The following BCOR variants were observed in gnomAD, a reference collection of about 807,000 sequenced individuals.
The protein encoded by BCOR is BCL6 corepressor, also known as BCL-6 corepressor.
In BCOR, 10 loss-of-function variants were observed where a neutral mutation model predicts 86.7. The observed-to-expected ratio is 0.12, with a 90% confidence interval of 0.07 to 0.20. BCOR has a LOEUF of 0.20. Ranked by LOEUF, BCOR falls within the 10% of genes least tolerant of loss-of-function variation. The pLI is 1.00. For missense variants in BCOR, 1,259 were observed against 1,452.1 expected, an observed-to-expected ratio of 0.87 and a Z score of 2.16; for synonymous variants, 611 against 609.0, an observed-to-expected ratio of 1.00 and a Z score of -0.05.
chrX:40,080,419 C>T (rs781500757), intron 1 of BCOR, among the ~76,000 whole-genome samples: 1 of 111,121 alleles, frequency 9.0e-6, no homozygotes, highest in East Asian at 2.8e-4. Context: ...CCAGCCTGGG[C>T]AACAAGAGCA....
intron 1 of BCOR, among the ~76,000 whole-genome samples, chrX:40,174,593 TCTA>T (rs1938701807): frequency 8.9e-6 from 1 of 112,645 alleles, no homozygotes; most frequent in East Asian, 2.8e-4. Flanking sequence ...CGCAGAACCA[TCTA>T]CTACTAACTA....
At chrX:40,076,163 G>A (rs1415371783) in intron 3 of BCOR, among the ~76,000 whole-genome samples, 1 of 112,159 alleles carries the variant, frequency 8.9e-6, no homozygotes, top group Non-Finnish European at 1.9e-5. Context: ...CTTGGAGGCT[G>A]GAAATTTATC....
chrX:40,077,183 C>G (rs1001406003), intron 2 of BCOR: 10 of 152,745 alleles, frequency 6.5e-5, no homozygotes, highest in Admixed American at 7.6e-5. Context: ...TGCGGCTGCC[C>G]TGGGACTTGT....
At chrX:40,070,194 C>A (rs1935403813) in intron 6 of BCOR, among the ~76,000 whole-genome samples, 1 of 111,826 alleles carries the variant, frequency 8.9e-6, no homozygotes, top group African/African-American at 3.2e-5. Context: ...GTTAGTTCAC[C>A]CAGACACCCT....
At chrX:40,056,281 TA>T (rs60712024) in intron 11 of BCOR, among the ~76,000 whole-genome samples, 977 of 61,420 alleles carry the variant, frequency 0.016, 9 homozygotes, top group African/African-American at 0.049. Context: ...TGTCACACAT[TA>T]AAAAAAAAAA....
chrX:40,168,196 T>G (rs984213390), intron 1 of BCOR, among the ~76,000 whole-genome samples: 1 of 113,227 alleles, frequency 8.8e-6, no homozygotes, highest in African/African-American at 3.2e-5. Flanking sequence ...CCAGACCCTT[T>G]CTTTTCTTCC....
chrX:40,058,404 G>C (rs1934704432), intron 10 of BCOR, among the ~76,000 whole-genome samples: 1 of 111,828 alleles, frequency 8.9e-6, no homozygotes, highest in Non-Finnish European at 1.9e-5. Flanking sequence ...AGAACATGTG[G>C]GGTAGCCCAA....
chrX:40,073,889 G>A lies in BCOR; in HGVS notation c.1457C>T (p.Thr486Ile). ...VLSGSEIPKETLSPPGNGCAI... is the reference protein window; with the variant it reads ...VLSGSEIPKEILSPPGNGCAI... ...ACAACCATTTCCTGGAGGAGATAGT[G>A]TTTCTTTCGGAATCTCACTTCCGGA... Residue 486 changes from threonine (T) to isoleucine (I), a missense_variant, in exon 4 of 15, where the codon ACA becomes ATA. This residue lies in a region of BCOR where 534 missense variants were observed against 594.8 expected (regional missense o/e 0.90). Transcript: ENST00000378444. The A allele has an allele frequency of 8.2e-7, 1 of 1,212,185 alleles. No individual in the cohort carries two copies. The highest frequency in any genetic ancestry group is 1.1e-6 in the Non-Finnish European group (1 of 895,549).
At chrX:40,134,754 TCCCCATGGGG>T (rs1937645731) in intron 1 of BCOR, among the ~76,000 whole-genome samples, 1 of 112,018 alleles carries the variant, frequency 8.9e-6, no homozygotes, top group Non-Finnish European at 1.9e-5. Context: ...AGAGACTGAA[TCCCCATGGGG>T]CTCCACCATA....
At chrX:40,124,117 C>T (rs1167877300) in intron 1 of BCOR, among the ~76,000 whole-genome samples, 2 of 110,773 alleles carry the variant, frequency 1.8e-5, no homozygotes, top group Non-Finnish European at 3.8e-5. Context: ...TGGTGAACTA[C>T]GGACTTAAGC....
chrX:40,154,763 CCG>C (rs1452637181), intron 1 of BCOR, among the ~76,000 whole-genome samples: 2 of 112,204 alleles, frequency 1.8e-5, no homozygotes, highest in Non-Finnish European at 3.8e-5. Context: ...AGCCAAGGGT[CCG>C]GATCTTTCCC....
chrX:40,078,313 G>A (rs1935911701), intron 1 of BCOR, among the ~76,000 whole-genome samples: 1 of 112,520 alleles, frequency 8.9e-6, no homozygotes, highest in African/African-American at 3.2e-5. Context: ...CTTGCCACTT[G>A]TTAAAGAAGG....
At chrX:40,063,095 GTGGCGGGCGGA>G in intron 8 of BCOR, 24 bp from the exon 9 acceptor site, 1 of 1,031,135 alleles carries the variant, frequency 9.7e-7, no homozygotes, top group Non-Finnish European at 1.3e-6. Context: ...GGGTGACGGG[GTGGCGGGCGGA>G]TGGGAGACGG....
At chrX:40,143,011 C>T (rs1382464192) in intron 1 of BCOR, among the ~76,000 whole-genome samples, 1 of 112,298 alleles carries the variant, frequency 8.9e-6, no homozygotes, top group Admixed American at 9.4e-5. Context: ...TCGGGTTGAG[C>T]AAATGGGGCC....
At chrX:40,105,285 G>C (rs1445861559) in intron 1 of BCOR, among the ~76,000 whole-genome samples, 1 of 111,249 alleles carries the variant, frequency 9.0e-6, no homozygotes, top group African/African-American at 3.3e-5. Context: ...GCGCCGTTCC[G>C]AGAGCCGCGC....
At chrX:40,084,559 G>A (rs1936261294) in intron 1 of BCOR, among the ~76,000 whole-genome samples, 1 of 110,380 alleles carries the variant, frequency 9.1e-6, no homozygotes, top group East Asian at 2.9e-4. Flanking sequence ...AGTCCCTGCA[G>A]AACTGGGTCC....
In BCOR at chrX:40,103,651, T is replaced by C. The variant is rs190504377; in HGVS notation, c.-40-25682A>G. 4.8e-3 allele frequency among the ~76,000 whole-genome samples: 475 copies of C among 99,461 alleles called. 1 individual carries two copies. The highest frequency in any genetic ancestry group is 0.023 in the African/African-American group (452 of 19,550). 86.4% of individuals were successfully genotyped at this position (99,461 alleles called of 115,157 possible). A position where few individuals can be genotyped will look rare whatever the true frequency, so the allele number is the denominator to read the frequency against. On this transcript the variant is annotated intron_variant, in intron 1 of 14. Coordinates refer to the BCOR transcript ENST00000342274. ...GGGGAAAGAATAAATTCTGCCACCCTTGCTTCCCCCGGGAGCCCACATTTT... is the reference window on the plus strand; with the variant it reads ...GGGGAAAGAATAAATTCTGCCACCCCTGCTTCCCCCGGGAGCCCACATTTT...
chrX:40,079,939 G>C (rs186563691), intron 1 of BCOR, among the ~76,000 whole-genome samples: 2 of 108,159 alleles, frequency 1.8e-5, no homozygotes, highest in Non-Finnish European at 3.8e-5. Flanking sequence ...ATCATTCCCC[G>C]GTGCCAGTGT....
intron 7 of BCOR, 150 bp downstream of exon 7, chrX:40,064,186 G>T: frequency 1.1e-6 from 1 of 900,868 alleles, no homozygotes. Context: ...GGAATGGAGA[G>T]GTCCGCTCCA....
Sources: allele counts gnomAD v4.1 joint callset (sites outside exome capture counted in the v4.1 genomes callset), GRCh38; gene constraint gnomAD v4.1.1; regional missense constraint gnomAD v4.1.1; transcripts MANE v1.5; gene names NCBI Gene and HGNC (gene_info 2026-07-23, HGNC 2026-07-21).